The following CYTH1 variants were observed in gnomAD, a reference collection of about 807,000 sequenced individuals.
The protein encoded by CYTH1 is cytohesin-1.
A neutral mutation model predicts 61.8 loss-of-function variants in CYTH1; 18 were observed. That is an observed-to-expected ratio of 0.29 (90% CI 0.20 to 0.43). The LOEUF is 0.43. CYTH1 is among the 20% of genes least tolerant of loss of function. The pLI is 1.00. For synonymous variants in CYTH1, 174 were observed against 184.3 expected (o/e 0.94, Z 0.45); for missense variants, 336 against 510.5 (o/e 0.66, Z 3.29).
At chr17:78,771,646 G>A (rs1381319041) in intron 1 of CYTH1, among the ~76,000 whole-genome samples, 1 of 151,556 alleles carries the variant, frequency 6.6e-6, no homozygotes, top group African/African-American at 2.4e-5. Flanking sequence ...CAGGAGATTT[G>A]CTTGAACCAG....
chr17:78,692,786 T>C (rs1435677569), intron 10 of CYTH1, among the ~76,000 whole-genome samples: 1 of 151,796 alleles, frequency 6.6e-6, no homozygotes, highest in African/African-American at 2.4e-5. Context: ...GGGGCAATAA[T>C]GACATACAAT....
intron 1 of CYTH1, among the ~76,000 whole-genome samples, chr17:78,713,295 T>C (rs1432901294): frequency 3.3e-5 from 5 of 152,082 alleles, no homozygotes. Context: ...AAGACCCCTT[T>C]AAGAAATTAA....
intron 1 of CYTH1, among the ~76,000 whole-genome samples, chr17:78,720,417 C>T (rs1249762693): frequency 6.6e-6 from 1 of 152,176 alleles, no homozygotes; most frequent in African/African-American, 2.4e-5. Flanking sequence ...CTCCTGGGTT[C>T]ATGCAATTCT....
intron 1 of CYTH1, among the ~76,000 whole-genome samples, chr17:78,755,626 G>A (rs572987080): frequency 2.2e-4 from 33 of 152,186 alleles, no homozygotes; most frequent in East Asian, 1.5e-3. Flanking sequence ...GCCTGGGGCC[G>A]GGGTAGAGGG....
At chr17:78,760,784 T>G (rs996437222) in intron 1 of CYTH1, among the ~76,000 whole-genome samples, 3 of 151,816 alleles carry the variant, frequency 2.0e-5, no homozygotes, top group African/African-American at 7.3e-5. Flanking sequence ...GTAAGTCTGA[T>G]GACATCACTT....
At chr17:78,732,887 G>A (rs1272854176) in intron 1 of CYTH1, among the ~76,000 whole-genome samples, 6 of 152,090 alleles carry the variant, frequency 3.9e-5, no homozygotes, top group African/African-American at 1.4e-4. Flanking sequence ...AAGAGATAGA[G>A]GCCATCCTGG....
intron 1 of CYTH1, among the ~76,000 whole-genome samples, chr17:78,757,294 G>C (rs1252273455): frequency 6.6e-6 from 1 of 151,874 alleles, no homozygotes; most frequent in African/African-American, 2.4e-5. Context: ...TCATCCTTTG[G>C]GGGGATGACC....
chr17:78,738,533 C>T (rs2093330034), intron 1 of CYTH1, among the ~76,000 whole-genome samples: 1 of 152,104 alleles, frequency 6.6e-6, no homozygotes, highest in Non-Finnish European at 1.5e-5. Flanking sequence ...CAGTCAGACT[C>T]TGAAGGTGCT....
At chr17:78,747,945 C>T (rs1474837025) in intron 1 of CYTH1, among the ~76,000 whole-genome samples, 4 of 152,156 alleles carry the variant, frequency 2.6e-5, no homozygotes, top group African/African-American at 9.7e-5. Flanking sequence ...CCCTTGAGCC[C>T]CTATGCTCGG....
intron 1 of CYTH1, among the ~76,000 whole-genome samples, chr17:78,779,074 C>CA: frequency 6.6e-6 from 1 of 152,056 alleles, no homozygotes; most frequent in Non-Finnish European, 1.5e-5. Flanking sequence ...TTTTTAGTTC[C>CA]TCCAAAATAA....
chr17:78,755,069 C>T (rs1047087753), intron 1 of CYTH1, among the ~76,000 whole-genome samples: 1 of 152,106 alleles, frequency 6.6e-6, no homozygotes, highest in African/African-American at 2.4e-5. Context: ...TGTTCATCAA[C>T]AGGTGAAGAG....
chr17:78,741,303 G>C (rs1308356351), intron 1 of CYTH1, among the ~76,000 whole-genome samples: 2 of 152,250 alleles, frequency 1.3e-5, no homozygotes, highest in African/African-American at 2.4e-5. Context: ...GGGAGGCCAA[G>C]GTGGGAGGAC....
chr17:78,762,650 AG>A (rs1161021743), intron 1 of CYTH1, among the ~76,000 whole-genome samples: 1 of 152,216 alleles, frequency 6.6e-6, no homozygotes, highest in East Asian at 1.9e-4. Flanking sequence ...TAGAAGAGGG[AG>A]ATTATCCTAG....
intron 1 of CYTH1, among the ~76,000 whole-genome samples, chr17:78,769,595 T>G (rs1397642489): frequency 6.6e-6 from 1 of 152,226 alleles, no homozygotes; most frequent in Admixed American, 6.5e-5. Context: ...GACACGCTCC[T>G]TCACAGCTTG....
intron 9 of CYTH1, among the ~76,000 whole-genome samples, chr17:78,698,024 T>C (rs75164448): frequency 0.011 from 1,608 of 152,290 alleles, 29 homozygotes; most frequent in African/African-American, 0.036. Context: ...AAGCCGACCT[T>C]TGTTAGAACA....
chr17:78,774,481 G>A (rs1247029305), intron 1 of CYTH1, among the ~76,000 whole-genome samples: 1 of 152,086 alleles, frequency 6.6e-6, no homozygotes, highest in Non-Finnish European at 1.5e-5. Context: ...ATGGAGAGTT[G>A]AGGAAAAAAA....
rs754824796 is a variant in CYTH1 at position 78,760,458 on chromosome 17, TAC to T, written c.22+21742_22+21743del. On this transcript the variant is annotated intron_variant, in intron 1 of 13. Transcript: ENST00000446868. ...ATATATATATGTATATATATATACA[TAC>T]ATATATATATGTATATATATGTATG... Among the ~76,000 whole-genome samples the T allele has an allele frequency of 9.8e-4, 51 of 52,080 alleles. 5 individuals are homozygous for T. The highest frequency in any genetic ancestry group is 2.4e-3 in the Admixed American group (11 of 4,642). 34.2% of individuals were successfully genotyped at this position (52,080 alleles called of 152,430 possible).
At chr17:78,751,699 C>A (rs545405858) in intron 1 of CYTH1, among the ~76,000 whole-genome samples, 4 of 152,322 alleles carry the variant, frequency 2.6e-5, no homozygotes, top group African/African-American at 9.6e-5. Context: ...TAGGAAAATT[C>A]ATGAATACAA....
intron 1 of CYTH1, among the ~76,000 whole-genome samples, chr17:78,769,281 C>A (rs894394583): frequency 6.6e-6 from 1 of 152,046 alleles, no homozygotes; most frequent in African/African-American, 2.4e-5. Context: ...TTTCTCTAAC[C>A]CTGCCTCTGG....
Sources: gnomAD v4.1 joint callset for allele counts (sites outside exome capture counted in the v4.1 genomes callset) on GRCh38, gnomAD v4.1.1 for gene constraint, MANE v1.5 for transcripts, NCBI Gene and HGNC (gene_info 2026-07-23, HGNC 2026-07-21) for gene names.